The following RTN4 variants were observed in gnomAD, a reference collection of about 807,000 sequenced individuals.
RTN4 encodes reticulon-4.
A neutral mutation model predicts 90.4 loss-of-function variants in RTN4; 32 were observed. That is an observed-to-expected ratio of 0.35 (90% CI 0.27 to 0.48). RTN4 has a LOEUF of 0.48. Ranked by LOEUF, RTN4 falls within the 20% of genes least tolerant of loss-of-function variation. The probability of loss-of-function intolerance (pLI) is 0.99; values close to 1 mark genes in which losing one functional copy is unlikely to be tolerated. For synonymous variants in RTN4, 629 were observed against 552.5 expected, an observed-to-expected ratio of 1.14 and a Z score of -1.94; for missense variants, 1,706 against 1,430.2, an observed-to-expected ratio of 1.19 and a Z score of -3.11.
intron 2 of RTN4, among the ~76,000 whole-genome samples, chr2:55,066,609 G>A (rs893864496): frequency 1.3e-5 from 2 of 151,998 alleles, no homozygotes; most frequent in Non-Finnish European, 2.9e-5. Context: ...CAGGAGAGTC[G>A]CTTGAACCCG....
chr2:55,081,244 G>GT (rs1668709086), intron 1 of RTN4, among the ~76,000 whole-genome samples: 1 of 151,774 alleles, frequency 6.6e-6, no homozygotes, highest in South Asian at 2.1e-4. Context: ...CTGCTAATTT[G>GT]TTTTTTATTT....
At chr2:55,024,281 G>A (rs1681655894) in intron 3 of RTN4, among the ~76,000 whole-genome samples, 1 of 152,242 alleles carries the variant, frequency 6.6e-6, no homozygotes, top group Admixed American at 6.5e-5. Context: ...CCCACTGCCT[G>A]AATGTTCATA....
At chr2:55,111,365 AG>A (rs1668035634) in intron 1 of RTN4, among the ~76,000 whole-genome samples, 1 of 152,246 alleles carries the variant, frequency 6.6e-6, no homozygotes, top group South Asian at 2.1e-4. Flanking sequence ...TGGTATCAAC[AG>A]AAACAACGAA....
At chr2:55,063,565 G>A (rs1372580108) in intron 2 of RTN4, among the ~76,000 whole-genome samples, 5 of 152,018 alleles carry the variant, frequency 3.3e-5, no homozygotes, top group African/African-American at 1.2e-4. Flanking sequence ...TTGTAAGCAG[G>A]AGAATAACAC....
chr2:55,137,263 A>AAAGAGGAGGGCATGAG, the RTN4 span, among the ~76,000 whole-genome samples: 29 of 152,188 alleles, frequency 1.9e-4, no homozygotes, highest in African/African-American at 6.5e-4. Context: ...GACTAAGAGC[A>AAAGAGGAGGGCATGAG]AAGAGGAGGG....
At chr2:54,985,744 A>G (rs548505625) in intron 4 of RTN4, among the ~76,000 whole-genome samples, 36 of 152,318 alleles carry the variant, frequency 2.4e-4, no homozygotes, top group African/African-American at 7.9e-4. Flanking sequence ...CTCCTCTTTC[A>G]AAGTCTGTAA....
chr2:55,025,591 A>G lies in RTN4; in HGVS notation c.2508T>C (p.Ser836=). ...EKIPLQMEEL[S]TAVYSNDDLF... ...AGTCATCATTTGAATAAACTGCAGT[A>G]CTGAGCTCCTCCATCTGCAAAGGAA... is the stretch of plus-strand genomic sequence containing the variant. Residue 836 remains serine (S), a synonymous_variant, in exon 3 of 9, where the codon AGT becomes AGC. Transcript: ENST00000337526. 1 of 1,613,680 alleles carries G rather than the reference A, an allele frequency of 6.2e-7. No individual in the cohort carries two copies. Among genetic ancestry groups the G allele is most frequent in the Non-Finnish European group, 8.5e-7 (1 of 1,179,798 alleles).
intron 3 of RTN4, among the ~76,000 whole-genome samples, chr2:54,994,009 G>C (rs2104709594): frequency 6.6e-6 from 1 of 152,232 alleles, no homozygotes; most frequent in Middle Eastern, 3.4e-3. Flanking sequence ...ATTGACATTT[G>C]CCAACAAAAT....
In RTN4 at chr2:54,973,877, GA is replaced by G. The variant is rs775586624; in HGVS notation, c.3431-11del. On this transcript the variant is annotated splice_polypyrimidine_tract_variant and intron_variant, in intron 6 of 8. Transcript: ENST00000337526. The stretch of plus-strand genomic sequence containing the variant: ...AAGAGTGAAATGAGAGCTGAAAAGG[GA>G]AATATACAACTTTTCAAAAAGAACG... The G allele has an allele frequency of 1.2e-6, 2 of 1,608,954 alleles. No individual in the cohort carries two copies. Among genetic ancestry groups the G allele is most frequent in the Admixed American group, 3.4e-5 (2 of 59,374 alleles).
intron 3 of RTN4, among the ~76,000 whole-genome samples, chr2:54,998,670 T>C (rs1044407622): frequency 1.1e-4 from 17 of 152,284 alleles, no homozygotes; most frequent in African/African-American, 4.1e-4. Context: ...ATTACCTACA[T>C]CATTAATGCT....
At position 55,029,532 on chromosome 2, in the gene RTN4, T is replaced by C. The variant is rs377338572; in HGVS notation, c.557-1312A>G. Among the ~76,000 whole-genome samples, 13 of 152,296 alleles carry C rather than the reference T, an allele frequency of 8.5e-5. No homozygotes were observed. In the East Asian group the frequency reaches 2.1e-3, roughly 25 times the overall value. On this transcript the variant is annotated intron_variant, in intron 1 of 8. Transcript: ENST00000337526. ...CCTAATAAATTTAGACAATTTCATC[T>C]GGATGGACAAGCTAGACAAGGCTGA...
At chr2:54,993,057 G>C (rs1373810601) in intron 3 of RTN4, among the ~76,000 whole-genome samples, 6 of 125,752 alleles carry the variant, frequency 4.8e-5, no homozygotes, top group South Asian at 2.5e-4. Flanking sequence ...CTGGGCAACA[G>C]AGCGAGACTC....
intron 5 of RTN4, among the ~76,000 whole-genome samples, chr2:54,979,070 AACAG>A (rs1488163464): frequency 2.6e-5 from 4 of 151,284 alleles, no homozygotes; most frequent in South Asian, 2.1e-4. Context: ...TTTTTTTTTA[AACAG>A]ACAGGGTCTC....
At chr2:55,041,233 A>C (rs538164463) in intron 1 of RTN4, among the ~76,000 whole-genome samples, 1 of 152,098 alleles carries the variant, frequency 6.6e-6, no homozygotes, top group Non-Finnish European at 1.5e-5. Flanking sequence ...AGTTCACCTA[A>C]TTATATGCTA....
chr2:55,077,215 G>A (rs1476945289), intron 2 of RTN4, among the ~76,000 whole-genome samples: 7 of 151,696 alleles, frequency 4.6e-5, no homozygotes, highest in Admixed American at 3.3e-4. Context: ...GGGTTTCACC[G>A]TGTTAGCCAG....
the RTN4 span, among the ~76,000 whole-genome samples, chr2:55,134,123 C>CGCTAGTGG: frequency 6.6e-6 from 1 of 152,050 alleles, no homozygotes; most frequent in Non-Finnish European, 1.5e-5. Context: ...ACTGTCATGT[C>CGCTAGTGG]GCTAGTGGGC....
chr2:55,119,554 G>T, the RTN4 span, among the ~76,000 whole-genome samples: 1 of 152,202 alleles, frequency 6.6e-6, no homozygotes, highest in Non-Finnish European at 1.5e-5. Context: ...ATTTCATAAT[G>T]CCTTGGATTT....
At chr2:55,049,063 G>C (rs1667942565) in intron 1 of RTN4, 17 of 976,962 alleles carry the variant, frequency 1.7e-5, no homozygotes, top group Non-Finnish European at 2.1e-5. Flanking sequence ...GGAGCTGGGC[G>C]GTGGCAGGAC....
intron 3 of RTN4, among the ~76,000 whole-genome samples, chr2:54,988,496 C>T (rs1678753644): frequency 6.6e-6 from 1 of 152,054 alleles, no homozygotes; most frequent in Admixed American, 6.5e-5. Context: ...ACAAAAACTA[C>T]ACATATGAAT....
Sources: allele counts gnomAD v4.1 joint callset (sites outside exome capture counted in the v4.1 genomes callset), GRCh38; gene constraint gnomAD v4.1.1; transcripts MANE v1.5; gene names NCBI Gene and HGNC (gene_info 2026-07-23, HGNC 2026-07-21).